The following CENPE variants were observed in gnomAD, a reference collection of about 807,000 sequenced individuals.
CENPE encodes the protein centromere protein E.
A neutral mutation model predicts 336.1 loss-of-function variants in CENPE; 145 were observed. That is an observed-to-expected ratio of 0.43 (90% CI 0.38 to 0.50). The LOEUF (loss-of-function observed/expected upper bound fraction) is 0.50. CENPE is among the 20% of genes least tolerant of loss of function. CENPE has a pLI of 0.00. For synonymous variants in CENPE, 1,013 were observed against 984.8 expected (o/e 1.03, Z -0.54); for missense variants, 2,719 against 3,023.3 (o/e 0.90, Z 2.36).
rs747242840 is a variant in CENPE, at chr4:103,158,694, C to T, written c.2794G>A (p.Asp932Asn). The T allele has an allele frequency of 1.2e-6, 2 of 1,612,656 alleles. No homozygotes were observed. The highest frequency in any genetic ancestry group is 3.3e-5 in the Admixed American group (2 of 59,818). ...EEVKTLTQEK[D>N]DLKQLQESLQ... ...CTTTCTTGGAGTTGTTTTAGATCAT[C>T]TTTTTCTTGAGTTAAAGTTTTTACT... Residue 932 changes from aspartate (D) to asparagine (N), a missense_variant, in exon 23 of 49, where the codon GAT becomes AAT. By Grantham distance (23) the Asp-to-Asn change is conservative. This residue lies in a region of CENPE where 2,437 missense variants were observed against 2,513.3 expected (regional missense o/e 0.97). Coordinates refer to ENST00000265148, the MANE Select transcript of CENPE (RefSeq NM_001813.3).
intron 43 of CENPE, among the ~76,000 whole-genome samples, chr4:103,121,992 A>G (rs1750668249): frequency 6.6e-6 from 1 of 152,104 alleles, no homozygotes; most frequent in African/African-American, 2.4e-5. Context: ...TTTGCATCAA[A>G]CTTGTCTAAT....
chr4:103,144,326 C>T lies in CENPE; in HGVS notation c.5145+5G>A. 2 of 1,591,320 alleles carry T rather than the reference C, an allele frequency of 1.3e-6. No individual in the cohort carries two copies. Among genetic ancestry groups the T allele is most frequent in the East Asian group, 2.2e-5 (1 of 44,780 alleles). ...TACTAGAGGTGTAGAGAGATGGTAACTCACTCTAGTTATAGTTTCTCTAAG... is the reference window on the plus strand; with the variant it reads ...TACTAGAGGTGTAGAGAGATGGTAATTCACTCTAGTTATAGTTTCTCTAAG... On this transcript the variant is annotated splice_donor_5th_base_variant and intron_variant, in intron 33 of 48. Coordinates refer to ENST00000265148, the MANE Select transcript of CENPE (RefSeq NM_001813.3).
intron 46 of CENPE, among the ~76,000 whole-genome samples, chr4:103,113,803 T>C (rs1279190831): frequency 6.6e-6 from 1 of 150,974 alleles, no homozygotes; most frequent in Non-Finnish European, 1.5e-5. Flanking sequence ...CACGATTTCA[T>C]ATAGCCATTG....
rs148036121 is a variant in CENPE at position 103,163,741 on chromosome 4, A to G, written c.1648-188T>C. On this transcript the variant is annotated intron_variant, in intron 16 of 48. Transcript: ENST00000265148. ...AAGCACCTCATTATTTAAAAATACTAGAAATATCACCCAAAACATATCAAA... is the reference window on the plus strand; with the variant it reads ...AAGCACCTCATTATTTAAAAATACTGGAAATATCACCCAAAACATATCAAA... Among the ~76,000 whole-genome samples, 476 of 151,736 alleles carry G rather than the reference A, an allele frequency of 3.1e-3. 6 individuals are homozygous for G. Among genetic ancestry groups the G allele is most frequent in the Non-Finnish European group, 1.8e-3 (124 of 67,810 alleles).
chr4:103,139,811 G>A lies in CENPE; in HGVS notation c.6182C>T (p.Thr2061Ile), dbSNP rs767852909. 6.2e-7 allele frequency: 1 copy of A among 1,610,122 alleles called. No individual in the cohort carries two copies. Among genetic ancestry groups the A allele is most frequent in the Non-Finnish European group, 8.5e-7 (1 of 1,178,640 alleles). Reference protein sequence around the residue: ...LKMERDQFIATLREMIARDRQ... With the variant: ...LKMERDQFIAILREMIARDRQ... ...CACTCTAGCTATCATTTCCCTTAAGGTTGCTATGAATTGGTCCCTTTCCAT... is the reference window on the plus strand; with the variant it reads ...CACTCTAGCTATCATTTCCCTTAAGATTGCTATGAATTGGTCCCTTTCCAT... Residue 2061 changes from threonine to isoleucine, a missense_variant, in exon 38 of 49, where the codon ACC becomes ATC. Around this residue, in one of 5 missense-constraint regions of CENPE, gnomAD observed 2,437 missense variants for 2,513.3 expected, o/e 0.97. Coordinates refer to ENST00000265148, the MANE Select transcript of CENPE (RefSeq NM_001813.3).
intron 8 of CENPE, among the ~76,000 whole-genome samples, chr4:103,190,082 T>C (rs866818020): frequency 3.9e-5 from 6 of 152,124 alleles, no homozygotes; most frequent in African/African-American, 9.6e-5. Context: ...ATCCAACTTA[T>C]AAGGGATGTG....
At chr4:103,146,850 C>T (rs1157257950) in intron 29 of CENPE, among the ~76,000 whole-genome samples, 1 of 152,144 alleles carries the variant, frequency 6.6e-6, no homozygotes, top group East Asian at 1.9e-4. Context: ...ATGATGTTGA[C>T]TTGGATTAGG....
At chr4:103,122,420 T>C (rs992990528) in intron 43 of CENPE, among the ~76,000 whole-genome samples, 2 of 152,224 alleles carry the variant, frequency 1.3e-5, no homozygotes, top group Admixed American at 6.5e-5. Flanking sequence ...AATCTTGTTA[T>C]ATTTTTTAAC....
At chr4:103,120,101 TAAACAAAC>T (rs550484015) in intron 44 of CENPE, 39 bp downstream of exon 44, 6 of 1,388,924 alleles carry the variant, frequency 4.3e-6, no homozygotes, top group African/African-American at 2.9e-5. Context: ...TTCAATAGGT[TAAACAAAC>T]AAACAAACAA....
rs771705053 is a variant in CENPE at position 103,196,296 on chromosome 4, A to G, written c.149-44T>C. ...AACAACAACACAGAAGTTAAATCAA[A>G]TGAGTCCACTGTGTTTTCATTCCAA... On this transcript the variant is annotated intron_variant, in intron 2 of 48. Transcript: ENST00000265148. 15 of 1,389,332 alleles carry G rather than the reference A, an allele frequency of 1.1e-5. No homozygotes were observed. The South Asian group carries it at 1.8e-4, about 16-fold the overall frequency. 86.1% of individuals were successfully genotyped at this position (1,389,332 alleles called of 1,614,324 possible).
At chr4:103,195,735 T>C (rs1308530275) in intron 4 of CENPE, among the ~76,000 whole-genome samples, 185 bp downstream of exon 4, 1 of 152,164 alleles carries the variant, frequency 6.6e-6, no homozygotes, top group Non-Finnish European at 1.5e-5. Flanking sequence ...AACTTTAAGC[T>C]TTATAAAGTA....
chr4:103,129,414 A>G (rs1243005103), intron 42 of CENPE, among the ~76,000 whole-genome samples: 1 of 152,184 alleles, frequency 6.6e-6, no homozygotes, highest in Non-Finnish European at 1.5e-5. Context: ...GACATTATAC[A>G]AGAAAACTAC....
chr4:103,168,109 C>T (rs1425462185), intron 16 of CENPE, among the ~76,000 whole-genome samples: 1 of 152,070 alleles, frequency 6.6e-6, no homozygotes, highest in East Asian at 1.9e-4. Flanking sequence ...CTGCAGCCTC[C>T]CTGCTCTCAC....
Position 103,133,760 on chromosome 4 carries a change from A to G in CENPE, c.6655T>C (p.Cys2219Arg). The G allele has an allele frequency of 6.2e-7, 1 of 1,611,770 alleles. No homozygotes were observed. Among genetic ancestry groups the G allele is most frequent in the Non-Finnish European group, 8.5e-7 (1 of 1,178,456 alleles). ...LIKIQHLQQDCDVPSRELRDL... is the reference protein window; with the variant it reads ...LIKIQHLQQDRDVPSRELRDL... ...CTTAATTCTCTGGATGGTACATCAC[A>G]ATCTTGTTGAAGGTGCTGTATTTTA... The change falls in exon 41 of 49, where the codon TGT (cysteine) becomes CGT (arginine). Residue 2219 changes from cysteine (C) to arginine (R), a missense_variant. Coordinates refer to ENST00000265148, the MANE Select transcript of CENPE (RefSeq NM_001813.3).
intron 43 of CENPE, among the ~76,000 whole-genome samples, chr4:103,121,223 A>T (rs1471985585): frequency 4.6e-5 from 7 of 152,240 alleles, no homozygotes; most frequent in Admixed American, 4.6e-4. Flanking sequence ...GTTTCTAAAA[A>T]TAGTATACAC....
rs761643711 is a variant in CENPE, at chr4:103,114,477, ACTT to A, written c.7515_7517del (p.Arg2505del). The A allele has an allele frequency of 1.4e-5, 23 of 1,609,840 alleles. No homozygotes were observed. Among genetic ancestry groups the A allele is most frequent in the South Asian group, 9.9e-5 (9 of 91,012 alleles). ...TACCTGAGGTATCTTGGGCCTGTTG[ACTT>A]CTTCTGAGATTTTCTCTCAATAGCC... On this transcript the variant is annotated inframe_deletion, in exon 46 of 49. Coordinates refer to ENST00000265148, the MANE Select transcript of CENPE (RefSeq NM_001813.3).
At chr4:103,177,529 T>C (rs1279859498) in intron 13 of CENPE, among the ~76,000 whole-genome samples, 1 of 151,752 alleles carries the variant, frequency 6.6e-6, no homozygotes, top group Non-Finnish European at 1.5e-5. Context: ...CCTAAGGTTG[T>C]TGAGAGAATC....
rs759827260 is a variant in CENPE at position 103,136,175 on chromosome 4, G to A, written c.6488C>T (p.Ser2163Phe). The A allele has an allele frequency of 5.0e-6, 8 of 1,613,776 alleles. No individual in the cohort carries two copies. The East Asian group carries it at 1.8e-4, about 36-fold the overall frequency. The change falls in exon 40 of 49, where the codon TCC (serine) becomes TTC (phenylalanine). Residue 2163 changes from serine to phenylalanine, a missense_variant. Coordinates refer to ENST00000265148, the MANE Select transcript of CENPE (RefSeq NM_001813.3). The stretch of plus-strand genomic sequence containing the variant: ...CTTCATGATTCTGTGGAATTCCATG[G>A]AGCATCTCTGGTTTGCAGTAAAAAG... ...EKLFTANQRC[S>F]MEFHRIMKKL... is the part of the protein sequence containing the mutation.
intron 16 of CENPE, among the ~76,000 whole-genome samples, chr4:103,171,006 C>T (rs1755358487): frequency 6.6e-6 from 1 of 152,030 alleles, no homozygotes; most frequent in South Asian, 2.1e-4. Context: ...TATATATGCA[C>T]ACTGAACATG....
Sources: allele counts gnomAD v4.1 joint callset (sites outside exome capture counted in the v4.1 genomes callset), GRCh38; gene constraint gnomAD v4.1.1; regional missense constraint gnomAD v4.1.1; transcripts MANE v1.5; gene names NCBI Gene and HGNC (gene_info 2026-07-23, HGNC 2026-07-21).